The following UNC5C variants were observed in gnomAD, a reference collection of about 807,000 sequenced individuals.
UNC5C encodes unc-5 netrin receptor C.
In UNC5C, 47 loss-of-function variants were observed where a neutral mutation model predicts 99.8. That is an observed-to-expected ratio of 0.47 (90% confidence interval 0.37 to 0.60). UNC5C has a LOEUF of 0.60. Among genes scored for constraint, UNC5C ranks in the 20% least tolerant of loss-of-function variants. The probability of loss-of-function intolerance (pLI) is 0.00; values close to 1 mark genes in which losing one functional copy is unlikely to be tolerated. For missense variants in UNC5C, 1,062 were observed against 1,165.9 expected (o/e 0.91, Z 1.30); for synonymous variants, 487 against 452.2 (o/e 1.08, Z -0.98).
Position 95,226,015 on chromosome 4 carries a change from C to T in UNC5C, c.1109-5839G>A, listed in dbSNP as rs148348379. Among the ~76,000 whole-genome samples the T allele has an allele frequency of 3.3e-5, 5 of 152,306 alleles. No homozygotes were observed. In the East Asian group the frequency reaches 7.7e-4, roughly 23 times the overall value. On this transcript the variant is annotated intron_variant, in intron 7 of 15. Transcript: ENST00000453304. ...GCTTCTCCATCTGATCCGTCTCTCA[C>T]GGAACAACAGGGAACATTTTCTTCA...
intron 1 of UNC5C, among the ~76,000 whole-genome samples, chr4:95,360,776 C>T (rs1229060882): frequency 6.6e-6 from 1 of 152,148 alleles, no homozygotes; most frequent in Admixed American, 6.6e-5. Context: ...CATTTCCTTT[C>T]TCCAAGGCCT....
intron 1 of UNC5C, among the ~76,000 whole-genome samples, chr4:95,425,358 G>T (rs1052452137): frequency 6.6e-6 from 1 of 152,204 alleles, no homozygotes; most frequent in African/African-American, 2.4e-5. Flanking sequence ...GTCTCGCTTT[G>T]TCACCCAGGC....
intron 7 of UNC5C, among the ~76,000 whole-genome samples, chr4:95,237,278 A>C (rs1444016105): frequency 6.6e-6 from 1 of 152,188 alleles, no homozygotes; most frequent in Non-Finnish European, 1.5e-5. Flanking sequence ...GCATTCAAGT[A>C]GAATTATTGG....
At chr4:95,340,726 C>A (rs371193695) in intron 1 of UNC5C, among the ~76,000 whole-genome samples, 6 of 152,080 alleles carry the variant, frequency 3.9e-5, no homozygotes, top group East Asian at 3.9e-4. Flanking sequence ...TAATATACAG[C>A]TAATATGCTA....
At chr4:95,486,524 A>G (rs916348423) in intron 1 of UNC5C, among the ~76,000 whole-genome samples, 5 of 151,644 alleles carry the variant, frequency 3.3e-5, no homozygotes, top group Non-Finnish European at 7.4e-5. Flanking sequence ...CCATATTTAT[A>G]CTATCCATTA....
At chr4:95,405,227 A>T (rs1349402354) in intron 1 of UNC5C, among the ~76,000 whole-genome samples, 1 of 152,162 alleles carries the variant, frequency 6.6e-6, no homozygotes, top group Non-Finnish European at 1.5e-5. Context: ...CTCGGGTTGC[A>T]GGCACCCACC....
At chr4:95,174,769 C>T (rs1194327850) in intron 14 of UNC5C, among the ~76,000 whole-genome samples, 1 of 146,452 alleles carries the variant, frequency 6.8e-6, no homozygotes, top group Non-Finnish European at 1.5e-5. Flanking sequence ...CTGCTTGGTG[C>T]AGAGCTGAGT....
intron 1 of UNC5C, among the ~76,000 whole-genome samples, chr4:95,357,340 C>T (rs1004361079): frequency 3.3e-5 from 5 of 151,968 alleles, no homozygotes; most frequent in African/African-American, 9.7e-5. Flanking sequence ...TGGGATCTTG[C>T]TATGCTGCCC....
chr4:95,469,741 G>C (rs1747909213), intron 1 of UNC5C, among the ~76,000 whole-genome samples: 1 of 151,972 alleles, frequency 6.6e-6, no homozygotes, highest in African/African-American at 2.4e-5. Context: ...CATTACTAGT[G>C]GCACTTCATG....
At chr4:95,381,033 C>A (rs142139808) in intron 1 of UNC5C, among the ~76,000 whole-genome samples, 1 of 152,086 alleles carries the variant, frequency 6.6e-6, no homozygotes, top group Non-Finnish European at 1.5e-5. Flanking sequence ...AAGAAAACAA[C>A]GTATTTAGGA....
intron 1 of UNC5C, among the ~76,000 whole-genome samples, chr4:95,543,392 G>C (rs1373527090): frequency 1.3e-5 from 2 of 152,150 alleles, no homozygotes; most frequent in African/African-American, 4.8e-5. Context: ...ATAAGAGTTA[G>C]ATGCAAATAT....
At chr4:95,183,682 T>C (rs1736710097) in intron 13 of UNC5C, among the ~76,000 whole-genome samples, 1 of 136,312 alleles carries the variant, frequency 7.3e-6, no homozygotes, top group African/African-American at 2.5e-5. Context: ...GAGCCTATCC[T>C]AGAATCTGTT....
At chr4:95,182,573 A>G (rs1473844555) in intron 14 of UNC5C, among the ~76,000 whole-genome samples, 3 of 152,150 alleles carry the variant, frequency 2.0e-5, no homozygotes, top group Non-Finnish European at 4.4e-5. Context: ...CATGGGGAGA[A>G]GTTACTCCAT....
At chr4:95,318,573 C>T (rs150785964) in intron 2 of UNC5C, among the ~76,000 whole-genome samples, 5 of 152,240 alleles carry the variant, frequency 3.3e-5, no homozygotes, top group Non-Finnish European at 4.4e-5. Context: ...AAATGCCCCC[C>T]GAATGGGTGT....
chr4:95,163,632 A>G lies in UNC5C; in HGVS notation c.*5602T>C, dbSNP rs1192636451. The stretch of plus-strand genomic sequence containing the variant: ...TTGTAAAAGACCCTTAAATGGTATG[A>G]CTTGCAATTTATATTTTTGTTGAAG... On this transcript the variant is annotated 3_prime_UTR_variant, in exon 16 of 16. Transcript: ENST00000453304. The G allele has an allele frequency of 6.6e-6, 1 of 152,224 alleles. No homozygotes were observed. The highest frequency in any genetic ancestry group is 6.5e-5 in the Admixed American group (1 of 15,286). 9.4% of individuals were successfully genotyped at this position (152,224 alleles called of 1,614,324 possible).
intron 1 of UNC5C, among the ~76,000 whole-genome samples, chr4:95,428,072 T>A (rs72659973): frequency 0.12 from 17,448 of 151,486 alleles, 1,456 homozygotes; most frequent in Admixed American, 0.26. Flanking sequence ...GGCTTAGGGT[T>A]TTGTTTTTTT....
At chr4:95,244,946 A>G (rs940654547) in intron 6 of UNC5C, 31 bp downstream of exon 6, 7 of 1,611,486 alleles carry the variant, frequency 4.3e-6, no homozygotes, top group Non-Finnish European at 5.9e-6. Flanking sequence ...ATAATAGGAG[A>G]TACTTGGAAT....
chr4:95,251,933 G>A (rs1018969360), intron 4 of UNC5C, among the ~76,000 whole-genome samples: 1 of 152,180 alleles, frequency 6.6e-6, no homozygotes, highest in Non-Finnish European at 1.5e-5. Context: ...AGGTTGTAGA[G>A]TAGAGAAACT....
At chr4:95,181,124 C>T (rs1210941003) in intron 14 of UNC5C, among the ~76,000 whole-genome samples, 1 of 152,222 alleles carries the variant, frequency 6.6e-6, no homozygotes, top group East Asian at 1.9e-4. Context: ...CCCCTTAATC[C>T]CCCAAAGTCA....
Sources: allele counts gnomAD v4.1 joint callset (sites outside exome capture counted in the v4.1 genomes callset), GRCh38; gene constraint gnomAD v4.1.1; transcripts MANE v1.5; gene names NCBI Gene and HGNC (gene_info 2026-07-23, HGNC 2026-07-21).